KLHL29: variants seen among roughly 807,000 people sequenced by gnomAD.
KLHL29 encodes kelch like family member 29, also known as kelch-like protein 29.
Under a neutral mutation model 80.4 loss-of-function variants are expected in KLHL29, and 21 were observed. The observed-to-expected ratio is 0.26, with a 90% CI of 0.19 to 0.38. The LOEUF (loss-of-function observed/expected upper bound fraction) is 0.38. Among genes scored for constraint, KLHL29 ranks in the 10% least tolerant of loss-of-function variants. KLHL29 has a pLI of 1.00. For synonymous variants in KLHL29, 511 were observed against 526.8 expected (o/e 0.97, Z 0.41); for missense variants, 867 against 1,223.9 (o/e 0.71, Z 4.35).
chr2:23,586,341 T>G (rs572842686), intron 3 of KLHL29, among the ~76,000 whole-genome samples: 1 of 149,354 alleles, frequency 6.7e-6, no homozygotes, highest in East Asian at 2.0e-4. Context: ...TCCCCCCCAT[T>G]CCTTCTACCT....
chr2:23,528,704 G>T (rs1286090083), intron 2 of KLHL29, among the ~76,000 whole-genome samples: 1 of 152,194 alleles, frequency 6.6e-6, no homozygotes, highest in Non-Finnish European at 1.5e-5. Context: ...AATCAATGGG[G>T]ACTGAGCTCA....
Position 23,562,332 on chromosome 2 carries a change from A to C in KLHL29, c.136A>C (p.Ser46Arg). 2.6e-6 allele frequency: 4 copies of C among 1,544,942 alleles called. No homozygotes were observed. Among genetic ancestry groups the C allele is most frequent in the Non-Finnish European group, 3.5e-6 (4 of 1,144,540 alleles). ...TSGAGGGTAS[S>R]LSVRPGLLPL... ...GGGGGCCGGTGGCGGCACAGCCAGC[A>C]GCCTCAGCGTCCGGCCCGGCCTCCT... Residue 46 changes from serine to arginine, a missense_variant, in exon 3 of 14, where the codon AGC (serine) becomes CGC (arginine). By Grantham distance (110) the Ser-to-Arg change is moderately radical. Around this residue, in one of 2 missense-constraint regions of KLHL29, gnomAD observed 424 missense variants for 456.9 expected, o/e 0.93. Transcript: ENST00000486442. This position sits in a 1 kb window ranked among gnomAD's most constrained non-coding sequence, Gnocchi z 4.5.
chr2:23,610,197 G>A (rs1558407514), intron 3 of KLHL29, among the ~76,000 whole-genome samples: 1 of 152,246 alleles, frequency 6.6e-6, no homozygotes, highest in East Asian at 1.9e-4. Context: ...GTGGGATGGG[G>A]CGATACTGCT....
intron 5 of KLHL29, among the ~76,000 whole-genome samples, chr2:23,652,866 C>T (rs566172368): frequency 7.2e-5 from 11 of 152,190 alleles, no homozygotes; most frequent in East Asian, 5.8e-4. Flanking sequence ...TTATCAGGAT[C>T]GAGATTGTTG....
chr2:23,528,255 G>A (rs891382970), intron 2 of KLHL29, among the ~76,000 whole-genome samples: 11 of 152,086 alleles, frequency 7.2e-5, no homozygotes, highest in Non-Finnish European at 1.6e-4. Context: ...AAATTCCATC[G>A]CACAGATGGG....
rs1181711353 is a variant in KLHL29, at chr2:23,706,908, G to C, written c.*244G>C. The C allele has an allele frequency of 1.4e-5, 6 of 428,824 alleles. No homozygotes were observed. In the Admixed American group the frequency reaches 2.2e-4, roughly 16 times the overall value. The allele number at this position is 428,824 out of a possible 1,614,324, so 26.6% of individuals were successfully genotyped here. A position where few individuals can be genotyped will look rare whatever the true frequency, so the allele number is the denominator to read the frequency against. ...CCCGCCATGGGGCTGGCTGCCTCCT[G>C]AACAGGGGCGCTCGCTCTGCCAGGT... is the stretch of plus-strand genomic sequence containing the variant. On this transcript the variant is annotated 3_prime_UTR_variant, in exon 14 of 14. Transcript: ENST00000486442.
intron 3 of KLHL29, among the ~76,000 whole-genome samples, chr2:23,633,757 G>A (rs76565753): frequency 3.7e-4 from 1 of 2,722 alleles, no homozygotes; most frequent in African/African-American, 3.8e-3. Flanking sequence ...CACAGCACTC[G>A]TGTGTGTGTG....
intron 2 of KLHL29, among the ~76,000 whole-genome samples, chr2:23,521,686 C>T (rs1405091923): frequency 3.9e-5 from 6 of 152,216 alleles, no homozygotes; most frequent in Admixed American, 2.6e-4. Flanking sequence ...ACTACCTGTA[C>T]CCCATTTCTT....
chr2:23,537,417 T>TAC (rs5741924), intron 2 of KLHL29, among the ~76,000 whole-genome samples: 551 of 149,106 alleles, frequency 3.7e-3, no homozygotes, highest in South Asian at 4.8e-3. Flanking sequence ...GGGCAGAAAC[T>TAC]ACACACACAC....
chr2:23,562,874 T>C lies in KLHL29; in HGVS notation c.285+393T>C, dbSNP rs1402192902. Among the ~76,000 whole-genome samples the C allele has an allele frequency of 1.3e-5, 2 of 152,120 alleles. No homozygotes were observed. The highest frequency in any genetic ancestry group is 2.9e-5 in the Non-Finnish European group (2 of 68,016). On this transcript the variant is annotated intron_variant, in intron 3 of 13. Transcript: ENST00000486442. This position sits in a 1 kb window ranked among gnomAD's most constrained non-coding sequence, Gnocchi z 4.5. ...GTAACTTGGGTGTGCAAGAAGATAC[T>C]GACAAGCAGTAACAGTCATAAAGGG...
chr2:23,488,326 C>G (rs1317073018), intron 2 of KLHL29, among the ~76,000 whole-genome samples: 5 of 152,230 alleles, frequency 3.3e-5, no homozygotes, highest in African/African-American at 4.8e-5. Context: ...CAGCTACTGC[C>G]AGCCTGGACT....
chr2:23,552,351 A>T (rs11692628), intron 2 of KLHL29, among the ~76,000 whole-genome samples: 1,613 of 152,354 alleles, frequency 0.011, 18 homozygotes, highest in Non-Finnish European at 0.017. Flanking sequence ...TCCCAAACAC[A>T]TCAAGTTGTA....
chr2:23,581,272 TCCCCACC>T (rs1667973105), intron 3 of KLHL29, among the ~76,000 whole-genome samples: 1 of 152,160 alleles, frequency 6.6e-6, no homozygotes, highest in Non-Finnish European at 1.5e-5. Flanking sequence ...CAGTCCCCAC[TCCCCACC>T]CGGTCTTCCT....
chr2:23,501,434 G>A (rs1168045165), intron 2 of KLHL29, among the ~76,000 whole-genome samples: 2 of 152,080 alleles, frequency 1.3e-5, no homozygotes, highest in Non-Finnish European at 2.9e-5. Context: ...AGACAGCAGT[G>A]GAAATAGACC....
intron 1 of KLHL29, among the ~76,000 whole-genome samples, chr2:23,438,671 G>A (rs201773656): frequency 0.025 from 3,731 of 149,294 alleles, 309 homozygotes; most frequent in Admixed American, 0.18. Context: ...CCACTTGATC[G>A]TGGTGGATAA....
At chr2:23,464,374 A>T (rs1401431963) in intron 1 of KLHL29, among the ~76,000 whole-genome samples, 1 of 152,172 alleles carries the variant, frequency 6.6e-6, no homozygotes, top group Non-Finnish European at 1.5e-5. Context: ...CTTTCAGCCC[A>T]TGATAAATGG....
At chr2:23,512,584 T>C (rs552651192) in intron 2 of KLHL29, among the ~76,000 whole-genome samples, 23 of 152,362 alleles carry the variant, frequency 1.5e-4, no homozygotes, top group Admixed American at 5.2e-4. Context: ...TATGGCTTTT[T>C]CCACCCAAAT....
intron 1 of KLHL29, among the ~76,000 whole-genome samples, chr2:23,415,648 G>A (rs1666966348): frequency 6.6e-6 from 1 of 151,822 alleles, no homozygotes; most frequent in African/African-American, 2.4e-5. Flanking sequence ...TGTTGTTGTT[G>A]TTTTTTAAAT....
intron 2 of KLHL29, among the ~76,000 whole-genome samples, chr2:23,478,453 C>T (rs185923669): frequency 1.6e-3 from 238 of 152,282 alleles, no homozygotes; most frequent in South Asian, 1.0e-3. Flanking sequence ...TGCTACAAAA[C>T]AGGCCAGTTC....
Sources: gnomAD v4.1 joint callset for allele counts (sites outside exome capture counted in the v4.1 genomes callset) on GRCh38, gnomAD v4.1.1 for gene constraint, gnomAD v4.1.1 regional missense constraint, Gnocchi (gnomAD v3.1) non-coding constraint, MANE v1.5 for transcripts, NCBI Gene and HGNC (gene_info 2026-07-23, HGNC 2026-07-21) for gene names.